ITGA1: variants seen among roughly 807,000 people sequenced by gnomAD.
The protein encoded by ITGA1 is integrin alpha-1.
A neutral mutation model predicts 145.9 loss-of-function variants in ITGA1; 85 were observed. That is an observed-to-expected ratio of 0.58 (90% CI 0.49 to 0.70). The LOEUF is 0.70. ITGA1 is among the 30% of genes least tolerant of loss of function. ITGA1 has a pLI of 0.00. For synonymous variants in ITGA1, 520 were observed against 495.3 expected (o/e 1.05, Z -0.66); for missense variants, 1,351 against 1,418.7 (o/e 0.95, Z 0.77).
chr5:52,788,580 G>T (rs1339972303), intron 1 of ITGA1, among the ~76,000 whole-genome samples, 166 bp downstream of exon 1: 1 of 152,216 alleles, frequency 6.6e-6, no homozygotes, highest in African/African-American at 2.4e-5. Flanking sequence ...GGAGTTTCGC[G>T]TTCTGGTTTT....
At chr5:52,871,258 T>G (rs995221162) in intron 6 of ITGA1, among the ~76,000 whole-genome samples, 2 of 152,198 alleles carry the variant, frequency 1.3e-5, no homozygotes, top group Non-Finnish European at 1.5e-5. Context: ...AGCAATTTCA[T>G]TTGGTACAGC....
intron 26 of ITGA1, among the ~76,000 whole-genome samples, chr5:52,941,524 AT>A (rs1751054090): frequency 6.6e-6 from 1 of 152,132 alleles, no homozygotes; most frequent in South Asian, 2.1e-4. Flanking sequence ...TTCTGTAATG[AT>A]TAGTGATAAT....
chr5:52,834,910 T>C (rs1044713997), intron 1 of ITGA1, among the ~76,000 whole-genome samples: 1 of 152,082 alleles, frequency 6.6e-6, no homozygotes, highest in Non-Finnish European at 1.5e-5. Flanking sequence ...ATTCACTCTA[T>C]TGAGTGAACG....
chr5:52,837,163 G>A (rs1749173077), intron 1 of ITGA1, among the ~76,000 whole-genome samples: 1 of 152,176 alleles, frequency 6.6e-6, no homozygotes, highest in African/African-American at 2.4e-5. Flanking sequence ...GAATCAGCAT[G>A]GCTGATGAAT....
At chr5:52,855,564 T>C (rs1749500045) in intron 2 of ITGA1, among the ~76,000 whole-genome samples, 1 of 152,192 alleles carries the variant, frequency 6.6e-6, no homozygotes, top group South Asian at 2.1e-4. Flanking sequence ...GTGGAGCTTA[T>C]ATTCTACTGG....
At chr5:52,948,178 G>T (rs574391761) in intron 28 of ITGA1, among the ~76,000 whole-genome samples, 13 of 152,174 alleles carry the variant, frequency 8.5e-5, no homozygotes, top group Non-Finnish European at 1.6e-4. Flanking sequence ...TTCACATTAA[G>T]TAGAATTGAG....
intron 1 of ITGA1, among the ~76,000 whole-genome samples, chr5:52,838,063 A>G (rs1420950776): frequency 1.3e-5 from 2 of 152,158 alleles, no homozygotes; most frequent in Non-Finnish European, 1.5e-5. Context: ...AACAAGTTAC[A>G]TTCGTTTGGC....
At chr5:52,904,050 C>T (rs1750358179) in intron 11 of ITGA1, 1 of 152,548 alleles carries the variant, frequency 6.6e-6, no homozygotes, top group African/African-American at 2.4e-5. Context: ...CACCAAGTAT[C>T]TGAAAGATGT....
At chr5:52,945,308 A>T (rs761412867) in intron 27 of ITGA1, among the ~76,000 whole-genome samples, 1 of 152,152 alleles carries the variant, frequency 6.6e-6, no homozygotes, top group Non-Finnish European at 1.5e-5. Flanking sequence ...GGATGTTTTT[A>T]CTTTCACTTT....
chr5:52,834,560 GAGAA>G (rs1554042404), intron 1 of ITGA1, among the ~76,000 whole-genome samples: 1 of 130,690 alleles, frequency 7.7e-6, no homozygotes, highest in East Asian at 2.2e-4. Flanking sequence ...GAAAGAGAGA[GAGAA>G]AGAGAGAAGA....
chr5:52,949,901 TC>T (rs66960117), intron 28 of ITGA1, among the ~76,000 whole-genome samples: 83,096 of 151,842 alleles, frequency 0.55, 23,078 homozygotes, highest in Middle Eastern at 0.61. Flanking sequence ...CTCAGGACTA[TC>T]CCTTCTTCCT....
intron 9 of ITGA1, among the ~76,000 whole-genome samples, chr5:52,895,463 T>C (rs1750210419): frequency 6.6e-6 from 1 of 152,220 alleles, no homozygotes; most frequent in Non-Finnish European, 1.5e-5. Context: ...ACTAATTGTG[T>C]ACTTTTAATT....
chr5:52,794,403 A>G (rs1397734110), intron 1 of ITGA1, among the ~76,000 whole-genome samples: 1 of 151,742 alleles, frequency 6.6e-6, no homozygotes, highest in East Asian at 1.9e-4. Flanking sequence ...ATACATGGGT[A>G]CTGGCCAATC....
At chr5:52,857,138 G>A (rs1219179738) in intron 2 of ITGA1, among the ~76,000 whole-genome samples, 1 of 152,076 alleles carries the variant, frequency 6.6e-6, no homozygotes, top group African/African-American at 2.4e-5. Flanking sequence ...AGATTCAATG[G>A]GTGGAAAAAC....
rs1462362958 is a variant in ITGA1, at chr5:52,953,180, G to A, written c.*729G>A. The A allele has an allele frequency of 3.9e-5, 6 of 152,098 alleles. No individual in the cohort carries two copies. The highest frequency in any genetic ancestry group is 2.6e-4 in the Admixed American group (4 of 15,270). 9.4% of individuals were successfully genotyped at this position (152,098 alleles called of 1,614,324 possible). A position where few individuals can be genotyped will look rare whatever the true frequency, so the allele number is the denominator to read the frequency against. ...ACAGAACATGCTTAATTTTGATATT[G>A]AGCTCTAAATGCAAAACTCTTTTAT... On this transcript the variant is annotated 3_prime_UTR_variant, in exon 29 of 29. Transcript: ENST00000282588.
chr5:52,918,935 A>T lies in ITGA1; in HGVS notation c.2155+37A>T, dbSNP rs369589001. ...AATTATAGCAAGTACTTTTGGGTAG[A>T]GGACAATATATTTGCTCTAGCATGA... On this transcript the variant is annotated intron_variant, in intron 16 of 28. Coordinates refer to ENST00000282588, the MANE Select transcript of ITGA1 (RefSeq NM_181501.2). The T allele has an allele frequency of 2.6e-6, 4 of 1,516,680 alleles. No homozygotes were observed. In the African/African-American group the frequency reaches 5.6e-5, roughly 21 times the overall value. 94.0% of individuals were successfully genotyped at this position (1,516,680 alleles called of 1,614,324 possible). A position where few individuals can be genotyped will look rare whatever the true frequency, so the allele number is the denominator to read the frequency against.
chr5:52,831,226 G>A (rs1749064627), intron 1 of ITGA1, among the ~76,000 whole-genome samples: 1 of 151,948 alleles, frequency 6.6e-6, no homozygotes, highest in East Asian at 1.9e-4. Context: ...TCTGCCTCCT[G>A]GGTTCAAGCG....
chr5:52,880,202 A>AC (rs769445312), intron 6 of ITGA1, among the ~76,000 whole-genome samples: 32 of 151,976 alleles, frequency 2.1e-4, no homozygotes, highest in South Asian at 6.3e-4. Context: ...CTTAGACTAG[A>AC]CCCCCCTTCC....
intron 2 of ITGA1, among the ~76,000 whole-genome samples, chr5:52,851,746 T>C (rs775419518): frequency 6.6e-6 from 1 of 152,200 alleles, no homozygotes; most frequent in Non-Finnish European, 1.5e-5. Flanking sequence ...TATATCTTGG[T>C]TTACCCATGA....
Sources: gnomAD v4.1 joint callset for allele counts (sites outside exome capture counted in the v4.1 genomes callset) on GRCh38, gnomAD v4.1.1 for gene constraint, MANE v1.5 for transcripts, NCBI Gene and HGNC (gene_info 2026-07-23, HGNC 2026-07-21) for gene names.